The following GRM8 variants were observed in gnomAD, a reference collection of about 807,000 sequenced individuals.
GRM8 encodes metabotropic glutamate receptor 8.
In GRM8, 47 loss-of-function variants were observed where a neutral mutation model predicts 87.2. The observed-to-expected ratio is 0.54, with a 90% CI of 0.43 to 0.69. GRM8 has a LOEUF of 0.69. Ranked by LOEUF, GRM8 falls within the 30% of genes least tolerant of loss-of-function variation. GRM8 has a pLI of 0.00. For synonymous variants in GRM8, 396 were observed against 404.5 expected (o/e 0.98, Z 0.25); for missense variants, 1,019 against 1,139.2 (o/e 0.89, Z 1.52).
chr7:126,469,455 C>G (rs1804892235), intron 9 of GRM8, among the ~76,000 whole-genome samples: 1 of 152,084 alleles, frequency 6.6e-6, no homozygotes, highest in African/African-American at 2.4e-5. Flanking sequence ...TGTCCCCACC[C>G]AAATATCATT....
At chr7:126,650,084 C>G (rs532397491) in intron 7 of GRM8, among the ~76,000 whole-genome samples, 1 of 152,340 alleles carries the variant, frequency 6.6e-6, no homozygotes, top group South Asian at 2.1e-4. Context: ...TATGGGTCAT[C>G]AAGTCACCAC....
chr7:126,634,680 C>T (rs1348314157), intron 7 of GRM8, among the ~76,000 whole-genome samples: 3 of 151,988 alleles, frequency 2.0e-5, no homozygotes, highest in African/African-American at 7.2e-5. Flanking sequence ...TTCCTCCCCC[C>T]ACCTTTCAGG....
At chr7:127,167,908 T>TA (rs1218180680) in intron 2 of GRM8, among the ~76,000 whole-genome samples, 1 of 152,142 alleles carries the variant, frequency 6.6e-6, no homozygotes, top group South Asian at 2.1e-4. Context: ...ATGAAAACCC[T>TA]AGAAGAAAAC....
chr7:126,727,838 A>C (rs1391091843), intron 7 of GRM8, among the ~76,000 whole-genome samples: 1 of 152,162 alleles, frequency 6.6e-6, no homozygotes, highest in African/African-American at 2.4e-5. Context: ...GAATTTTAAC[A>C]ACCTGAAAAC....
intron 7 of GRM8, among the ~76,000 whole-genome samples, chr7:126,727,304 T>G (rs1289188324): frequency 6.6e-6 from 1 of 152,060 alleles, no homozygotes; most frequent in East Asian, 1.9e-4. Context: ...ATCATTGACA[T>G]TCATATATTA....
At chr7:126,766,947 C>A (rs140211517) in intron 7 of GRM8, among the ~76,000 whole-genome samples, 7 of 152,260 alleles carry the variant, frequency 4.6e-5, no homozygotes, top group African/African-American at 1.7e-4. Flanking sequence ...TAAATCCCTG[C>A]GAAGAGCAAT....
At chr7:126,578,714 A>G (rs1324503072) in intron 8 of GRM8, among the ~76,000 whole-genome samples, 1 of 152,148 alleles carries the variant, frequency 6.6e-6, no homozygotes, top group African/African-American at 2.4e-5. Flanking sequence ...GCTAAAGTCT[A>G]CTTGAAGGCT....
intron 9 of GRM8, among the ~76,000 whole-genome samples, chr7:126,468,090 C>G (rs1804717864): frequency 6.6e-6 from 1 of 151,960 alleles, no homozygotes; most frequent in Non-Finnish European, 1.5e-5. Flanking sequence ...TATGAAATTG[C>G]CTCATAAACC....
intron 7 of GRM8, among the ~76,000 whole-genome samples, chr7:126,696,915 G>A (rs1015112032): frequency 6.6e-6 from 1 of 151,986 alleles, no homozygotes; most frequent in African/African-American, 2.4e-5. Context: ...AGAAATATCC[G>A]CACGCCAATG....
At chr7:126,471,409 G>T (rs1805208807) in intron 9 of GRM8, among the ~76,000 whole-genome samples, 1 of 151,986 alleles carries the variant, frequency 6.6e-6, no homozygotes. Context: ...TTCTATGTAT[G>T]GCTAGCCAGT....
rs1802695294 is a variant in GRM8 at position 126,906,562 on chromosome 7, G to A, written c.728-1879C>T. Among the ~76,000 whole-genome samples, 3 of 152,112 alleles carry A rather than the reference G, an allele frequency of 2.0e-5. No homozygotes were observed. The South Asian group carries it at 6.2e-4, about 32-fold the overall frequency. ...TGGACTTTATTTTGAAAACAATGGG[G>A]ATCCATTAGGTTCATCAGCAGGAGA... is the stretch of plus-strand genomic sequence containing the variant. On this transcript the variant is annotated intron_variant, in intron 3 of 10. Coordinates refer to ENST00000339582, the MANE Select transcript of GRM8 (RefSeq NM_000845.3).
intron 9 of GRM8, among the ~76,000 whole-genome samples, chr7:126,457,219 C>T (rs963191981): frequency 1.5e-4 from 23 of 150,920 alleles, no homozygotes; most frequent in African/African-American, 4.9e-4. Flanking sequence ...AAAATATCCA[C>T]GGTGAAGGAT....
intron 6 of GRM8, among the ~76,000 whole-genome samples, chr7:126,823,044 C>A (rs1430912244): frequency 1.3e-5 from 2 of 152,140 alleles, no homozygotes; most frequent in African/African-American, 4.8e-5. Context: ...TATTTTATGC[C>A]ACCAAACCTA....
At chr7:127,053,227 C>T (rs1240328329) in intron 3 of GRM8, among the ~76,000 whole-genome samples, 1 of 152,164 alleles carries the variant, frequency 6.6e-6, no homozygotes, top group East Asian at 1.9e-4. Context: ...CATTCAACAT[C>T]TCTTGGCTTC....
At chr7:126,899,579 T>C (rs1801866680) in intron 6 of GRM8, among the ~76,000 whole-genome samples, 1 of 152,208 alleles carries the variant, frequency 6.6e-6, no homozygotes, top group Admixed American at 6.5e-5. Flanking sequence ...CATTTAATTA[T>C]AGAACTTTCC....
chr7:126,557,796 T>C (rs537652596), intron 8 of GRM8, among the ~76,000 whole-genome samples: 10 of 152,260 alleles, frequency 6.6e-5, no homozygotes, highest in Non-Finnish European at 1.0e-4. Context: ...TGTATGTGTA[T>C]ATTGACAAAG....
chr7:127,223,218 G>C (rs1198182140), intron 2 of GRM8, among the ~76,000 whole-genome samples: 2 of 152,014 alleles, frequency 1.3e-5, no homozygotes, highest in African/African-American at 4.8e-5. Context: ...ATGGCAACGA[G>C]TTCCTGAATT....
At chr7:127,008,824 T>C (rs538470882) in intron 3 of GRM8, among the ~76,000 whole-genome samples, 1 of 152,226 alleles carries the variant, frequency 6.6e-6, no homozygotes, top group South Asian at 2.1e-4. Flanking sequence ...GAAAGTAAAA[T>C]ATATATCCGT....
intron 2 of GRM8, among the ~76,000 whole-genome samples, chr7:127,141,691 A>T (rs1277602904): frequency 6.6e-6 from 1 of 152,204 alleles, no homozygotes; most frequent in Non-Finnish European, 1.5e-5. Flanking sequence ...AAAAGAATGT[A>T]AAAGTGTTAA....
Sources: allele counts gnomAD v4.1 joint callset (sites outside exome capture counted in the v4.1 genomes callset), GRCh38; gene constraint gnomAD v4.1.1; transcripts MANE v1.5; gene names NCBI Gene and HGNC (gene_info 2026-07-23, HGNC 2026-07-21).